Variants in HDGFL3 observed in about 807,000 individuals in gnomAD.
HDGFL3 encodes the protein HDGF like 3.
A neutral mutation model predicts 27.6 loss-of-function variants in HDGFL3; 6 were observed. The observed-to-expected ratio is 0.22, with a 90% CI of 0.12 to 0.43. HDGFL3 has a LOEUF of 0.43. Ranked by LOEUF, HDGFL3 falls within the 20% of genes least tolerant of loss-of-function variation. The pLI, the probability that HDGFL3 is intolerant of heterozygous loss-of-function variation, is 1.00. For missense variants in HDGFL3, 207 were observed against 250.1 expected (o/e 0.83, Z 1.16); for synonymous variants, 88 against 88.9 (o/e 0.99, Z 0.05).
chr15:83,197,967 G>T (rs142730066), intron 1 of HDGFL3, among the ~76,000 whole-genome samples: 2 of 145,626 alleles, frequency 1.4e-5, no homozygotes, highest in African/African-American at 5.2e-5. Flanking sequence ...GGCGGGGAGG[G>T]GGTGATGAGG....
downstream of HDGFL3, among the ~76,000 whole-genome samples, chr15:83,123,244 T>G (rs776328157): frequency 1.3e-5 from 2 of 152,140 alleles, no homozygotes; most frequent in Non-Finnish European, 2.9e-5. Flanking sequence ...CTGTGACACC[T>G]ATGCATTTAC....
At chr15:83,172,549 A>C (rs1338420657) in intron 1 of HDGFL3, among the ~76,000 whole-genome samples, 1 of 152,126 alleles carries the variant, frequency 6.6e-6, no homozygotes. Flanking sequence ...TGTTACTAAG[A>C]AAATCAGCCC....
Position 83,207,232 on chromosome 15 carries a change from G to T in HDGFL3, c.84+99C>A. On this transcript the variant is annotated intron_variant, in intron 1 of 5. Coordinates refer to ENST00000299633, the MANE Select transcript of HDGFL3 (RefSeq NM_016073.4). This position sits in a 1 kb window ranked among gnomAD's most constrained non-coding sequence, Gnocchi z 4.8. Reference sequence around the variant, plus strand: ...CCCTCACCACAGCCGGCCGCGAGCTGCGGGCTCGGGGCTGAGGCGATGGGG... The same window carrying T: ...CCCTCACCACAGCCGGCCGCGAGCTTCGGGCTCGGGGCTGAGGCGATGGGG... The T allele has an allele frequency of 1.2e-6, 1 of 833,210 alleles. No homozygotes were observed. Among genetic ancestry groups the T allele is most frequent in the Non-Finnish European group, 1.6e-6 (1 of 613,868 alleles). The allele number at this position is 833,210 out of a possible 1,614,324, so 51.6% of individuals were successfully genotyped here. A position where few individuals can be genotyped will look rare whatever the true frequency, so the allele number is the denominator to read the frequency against.
Position 83,131,765 on chromosome 15 carries a change from C to A in HDGFL3, c.*7505G>T, listed in dbSNP as rs930035058. 1 of 152,080 alleles carries A rather than the reference C, an allele frequency of 6.6e-6. No individual in the cohort carries two copies. Among genetic ancestry groups the A allele is most frequent in the East Asian group, 1.9e-4 (1 of 5,200 alleles). The allele number at this position is 152,080 out of a possible 1,614,324, so 9.4% of individuals were successfully genotyped here. A position where few individuals can be genotyped will look rare whatever the true frequency, so the allele number is the denominator to read the frequency against. On this transcript the variant is annotated 3_prime_UTR_variant, in exon 6 of 6. Coordinates refer to ENST00000299633, the MANE Select transcript of HDGFL3 (RefSeq NM_016073.4). ...AAAAGAAGATTGAATAAAATGAAAC[C>A]AGGACACATTTTAGACCAAAGAGTT...
intron 5 of HDGFL3, among the ~76,000 whole-genome samples, chr15:83,145,819 T>C (rs2036877591): frequency 6.6e-6 from 1 of 151,024 alleles, no homozygotes; most frequent in Non-Finnish European, 1.5e-5. Context: ...TCTTGTCTTC[T>C]AAGACCCTAC....
chr15:83,185,024 T>A (rs758755643), intron 1 of HDGFL3: 7 of 152,356 alleles, frequency 4.6e-5, no homozygotes, highest in Admixed American at 6.5e-5. Context: ...GCACCCTTTT[T>A]TTAAATTTTT....
At chr15:83,154,434 G>A (rs1279318666) in intron 4 of HDGFL3, among the ~76,000 whole-genome samples, 2 of 152,052 alleles carry the variant, frequency 1.3e-5, no homozygotes, top group South Asian at 2.1e-4. Flanking sequence ...CTAGGCAAGC[G>A]GTTCTCTAAA....
chr15:83,197,072 A>ACC (rs2037578507), intron 1 of HDGFL3, among the ~76,000 whole-genome samples: 1 of 152,188 alleles, frequency 6.6e-6, no homozygotes, highest in Non-Finnish European at 1.5e-5. Context: ...TTTGTAGTTA[A>ACC]ATAAATCTTT....
intron 1 of HDGFL3, among the ~76,000 whole-genome samples, chr15:83,178,895 A>G (rs540621921): frequency 6.6e-6 from 1 of 152,300 alleles, no homozygotes; most frequent in South Asian, 2.1e-4. Flanking sequence ...TCAGGCTTCT[A>G]CTGTGGTGTA....
At chr15:83,155,744 G>C (rs2037021671) in intron 4 of HDGFL3, among the ~76,000 whole-genome samples, 1 of 152,164 alleles carries the variant, frequency 6.6e-6, no homozygotes, top group African/African-American at 2.4e-5. Context: ...CTAGGTACTT[G>C]TTTTTAGAGT....
chr15:83,143,547 A>G (rs980423618), intron 5 of HDGFL3, among the ~76,000 whole-genome samples: 1 of 152,150 alleles, frequency 6.6e-6, no homozygotes, highest in African/African-American at 2.4e-5. Context: ...GTGCCACTGC[A>G]CTCCAGCCTG....
intron 1 of HDGFL3, among the ~76,000 whole-genome samples, chr15:83,204,663 C>T (rs938843929): frequency 1.6e-4 from 24 of 151,958 alleles, no homozygotes; most frequent in African/African-American, 5.6e-4. Flanking sequence ...TGTAGTGATA[C>T]AAAGGAAAGT....
At chr15:83,116,396 T>C (rs1312054325) in intron 3 of HDGFL3, among the ~76,000 whole-genome samples, 1 of 152,214 alleles carries the variant, frequency 6.6e-6, no homozygotes, top group African/African-American at 2.4e-5. Flanking sequence ...GCTTTGATAC[T>C]ACCTGGTACT....
At position 83,173,455 on chromosome 15, in the gene HDGFL3, A is replaced by G. The variant is rs537692518; in HGVS notation, c.85-9380T>C. On this transcript the variant is annotated intron_variant, in intron 1 of 5. Coordinates refer to ENST00000299633, the MANE Select transcript of HDGFL3 (RefSeq NM_016073.4). ...GCATTTTTGACCTAAAATACTTTCA[A>G]CTTAAGATGGGTTTATCCGGACATA... is the stretch of plus-strand genomic sequence containing the variant. Among the ~76,000 whole-genome samples, 35 of 152,324 alleles carry G rather than the reference A, an allele frequency of 2.3e-4. 1 individual carries two copies. Among genetic ancestry groups the G allele is most frequent in the South Asian group, 6.2e-4 (3 of 4,824 alleles).
intron 1 of HDGFL3, among the ~76,000 whole-genome samples, chr15:83,194,174 C>G (rs1366973185): frequency 2.6e-5 from 4 of 152,140 alleles, no homozygotes; most frequent in Non-Finnish European, 5.9e-5. Flanking sequence ...ACTCAGGTAT[C>G]CATCAGTGGA....
intron 1 of HDGFL3, among the ~76,000 whole-genome samples, chr15:83,195,028 T>G (rs991668051): frequency 6.6e-6 from 1 of 152,170 alleles, no homozygotes; most frequent in African/African-American, 2.4e-5. Context: ...ATAGTTGTAT[T>G]ACAAATAATG....
At chr15:83,126,176 G>A (rs1034040148), downstream of HDGFL3, among the ~76,000 whole-genome samples, 7 of 152,186 alleles carry the variant, frequency 4.6e-5, no homozygotes, top group Admixed American at 6.5e-5. Context: ...CCATCTAGGT[G>A]GGACAACATT....
At chr15:83,186,486 T>A (rs898363740) in intron 1 of HDGFL3, among the ~76,000 whole-genome samples, 4 of 152,178 alleles carry the variant, frequency 2.6e-5, no homozygotes, top group Non-Finnish European at 4.4e-5. Flanking sequence ...CAAAAGAACA[T>A]AGATGTTCAA....
In HDGFL3 at chr15:83,133,670, TG is replaced by T. The variant is rs2151386042; in HGVS notation, c.*5599del. ...GCAGCATTGAGTTCACTGAGCCACC[TG>T]ACCCCAGCACAGGCTCAGGCTGAGC... is the stretch of plus-strand genomic sequence containing the variant. On this transcript the variant is annotated 3_prime_UTR_variant, in exon 6 of 6. Transcript: ENST00000299633. 6.6e-6 allele frequency: 1 copy of T among 152,386 alleles called. No individual in the cohort carries two copies. Among genetic ancestry groups the T allele is most frequent in the African/African-American group, 2.4e-5 (1 of 41,604 alleles). 9.4% of individuals were successfully genotyped at this position (152,386 alleles called of 1,614,324 possible).
Sources: allele counts gnomAD v4.1 joint callset (sites outside exome capture counted in the v4.1 genomes callset), GRCh38; gene constraint gnomAD v4.1.1; non-coding constraint Gnocchi (gnomAD v3.1); transcripts MANE v1.5; gene names NCBI Gene and HGNC (gene_info 2026-07-23, HGNC 2026-07-21).